LAMC3: variants seen among roughly 807,000 people sequenced by gnomAD.
LAMC3 encodes the protein laminin subunit gamma-3.
In LAMC3, 128 loss-of-function variants were observed where a neutral mutation model predicts 173.8. The observed-to-expected ratio is 0.74, with a 90% CI of 0.64 to 0.85. The LOEUF (loss-of-function observed/expected upper bound fraction) is 0.85, where lower values mean the gene tolerates loss of function less well. Among genes scored for constraint, LAMC3 ranks in the 40% least tolerant of loss-of-function variants. LAMC3 has a pLI of 0.00. For missense variants in LAMC3, 2,022 were observed against 2,156.0 expected (o/e 0.94, Z 1.23); for synonymous variants, 897 against 909.1 (o/e 0.99, Z 0.24).
intron 11 of LAMC3, among the ~76,000 whole-genome samples, chr9:131,055,024 C>T (rs549098714): frequency 1.3e-5 from 2 of 152,226 alleles, no homozygotes; most frequent in East Asian, 3.9e-4. Context: ...TTTTAGCCAT[C>T]CCCCTATTGA....
At chr9:131,047,811 C>T (rs1011806402) in intron 8 of LAMC3, among the ~76,000 whole-genome samples, 6 of 151,344 alleles carry the variant, frequency 4.0e-5, no homozygotes, top group Middle Eastern at 3.4e-3. Context: ...TGCAGTGAGC[C>T]GAGATCGCGC....
At chr9:131,062,846 G>A (rs1367692523) in intron 13 of LAMC3, among the ~76,000 whole-genome samples, 2 of 151,612 alleles carry the variant, frequency 1.3e-5, no homozygotes, top group Non-Finnish European at 2.9e-5. Flanking sequence ...TCCAGCCTGG[G>A]TGACAGAGCA....
intron 1 of LAMC3, among the ~76,000 whole-genome samples, chr9:131,022,699 A>G (rs1365399011): frequency 6.6e-6 from 1 of 151,774 alleles, no homozygotes; most frequent in African/African-American, 2.4e-5. Context: ...TAGCTGGGAT[A>G]TGCAAGCCAC....
At chr9:131,088,765 T>A (rs1830371289) in intron 27 of LAMC3, among the ~76,000 whole-genome samples, 1 of 152,010 alleles carries the variant, frequency 6.6e-6, no homozygotes, top group South Asian at 2.1e-4. Context: ...GCAGCCATCA[T>A]TCTACTTTCT....
chr9:131,091,695 T>C lies in LAMC3; in HGVS notation c.4636T>C (p.Phe1546Leu), dbSNP rs1401918921. The change falls in exon 28 of 28, where the codon TTC becomes CTC. Residue 1546 changes from phenylalanine (F) to leucine (L), a missense_variant. Physicochemically the swap from Phe to Leu is conservative, Grantham distance 22. Transcript: ENST00000361069. ...GCAGCAGGAGCTGCAGATCCAGGGCTTCGAGAGTGACCTCGCCGAGATCCG... is the reference window on the plus strand; with the variant it reads ...GCAGCAGGAGCTGCAGATCCAGGGCCTCGAGAGTGACCTCGCCGAGATCCG... ...SQQQELQIQG[F>L]ESDLAEIRAD... The C allele has an allele frequency of 6.2e-7, 1 of 1,611,384 alleles. No individual in the cohort carries two copies. The highest frequency in any genetic ancestry group is 8.5e-7 in the Non-Finnish European group (1 of 1,179,084).
chr9:131,090,235 C>G (rs915825935), intron 27 of LAMC3, among the ~76,000 whole-genome samples: 1 of 152,216 alleles, frequency 6.6e-6, no homozygotes, highest in South Asian at 2.1e-4. Context: ...GTGGAGCAGA[C>G]ACTCTCTTCA....
Position 131,018,742 on chromosome 9 carries a change from C to T in LAMC3, c.374-7543C>T, listed in dbSNP as rs1268977310. ...CCCACCCGCTTACTGGACCACATGC[C>T]CCAAACTTACTTCTCACCACCTCCT... On this transcript the variant is annotated intron_variant, in intron 1 of 27. Coordinates refer to ENST00000361069, the MANE Select transcript of LAMC3 (RefSeq NM_006059.4). Among the ~76,000 whole-genome samples the T allele has an allele frequency of 2.0e-5, 3 of 152,296 alleles. No individual in the cohort carries two copies. The East Asian group carries it at 5.8e-4, about 29-fold the overall frequency.
chr9:131,069,163 G>A, intron 16 of LAMC3, 113 bp downstream of exon 16: 1 of 1,288,832 alleles, frequency 7.8e-7, no homozygotes, highest in Non-Finnish European at 1.1e-6. Flanking sequence ...TCAGACATGG[G>A]ACAGGGTCCC....
intron 1 of LAMC3, among the ~76,000 whole-genome samples, chr9:131,015,335 A>G (rs1833501078): frequency 6.6e-6 from 1 of 152,066 alleles, no homozygotes; most frequent in South Asian, 2.1e-4. Flanking sequence ...CCGTCCTCCC[A>G]GCCCAACCCT....
At position 131,052,553 on chromosome 9, in the gene LAMC3, C is replaced by G. The variant is rs779180808; in HGVS notation, c.1693C>G (p.Pro565Ala). The change falls in exon 10 of 28, where the codon CCC becomes GCC. Residue 565 changes from proline to alanine, a missense_variant. Transcript: ENST00000361069. ...GQPLILTFRVPPGDSPLPVQL... is the reference protein window; with the variant it reads ...GQPLILTFRVAPGDSPLPVQL... ...GCCCCTCATACTGACCTTCCGGGTG[C>G]CCCCCGGGGACTCCCCACTCCCTGT... The G allele has an allele frequency of 1.4e-5, 23 of 1,613,748 alleles. No individual in the cohort carries two copies. In the South Asian group the frequency reaches 2.2e-4, roughly 15 times the overall value.
chr9:131,069,025 C>T lies in LAMC3; in HGVS notation c.2865C>T (p.Phe955=), dbSNP rs372391275. ...GTGACAGGTGCCAGCTGGGTTTCTT[C>T]GGCTTCTCCATCAAGGGCTGCCGGG... The part of the protein sequence containing the change: ...QACDRCQLGF[F]GFSIKGCRAC... Residue 955 remains phenylalanine (F), a synonymous_variant, in exon 16 of 28, where the codon TTC becomes TTT. Coordinates refer to ENST00000361069, the MANE Select transcript of LAMC3 (RefSeq NM_006059.4). The T allele has an allele frequency of 3.2e-5, 51 of 1,613,810 alleles. No homozygotes were observed. Among genetic ancestry groups the T allele is most frequent in the Middle Eastern group, 1.7e-4 (1 of 5,934 alleles).
chr9:131,047,837 T>C (rs1055489057), intron 8 of LAMC3, among the ~76,000 whole-genome samples: 16 of 143,770 alleles, frequency 1.1e-4, no homozygotes, highest in Non-Finnish European at 1.9e-4. Flanking sequence ...CACTCCAGCC[T>C]GAGTGACAGG....
intron 20 of LAMC3, among the ~76,000 whole-genome samples, chr9:131,073,798 C>A (rs1257467167): frequency 1.3e-5 from 2 of 152,116 alleles, no homozygotes; most frequent in African/African-American, 2.4e-5. Flanking sequence ...TTTCTCCTTA[C>A]CTCCCCAGCC....
intron 11 of LAMC3, among the ~76,000 whole-genome samples, chr9:131,053,691 G>A (rs541072930): frequency 2.6e-5 from 4 of 152,286 alleles, no homozygotes; most frequent in Admixed American, 6.5e-5. Flanking sequence ...AAATTAGCTG[G>A]GCGTGGTGGC....
Position 131,052,658 on chromosome 9 carries a change from C to G in LAMC3, c.1798C>G (p.Pro600Ala), listed in dbSNP as rs771250530. The change falls in exon 10 of 28, where the codon CCC becomes GCC. Residue 600 changes from proline to alanine, a missense_variant. Pro to Ala is a conservative substitution (Grantham distance 27). Transcript: ENST00000361069. ...SLSGPQDAGH[P>A]REVELRFHLQ... Reference sequence around the variant, plus strand: ...GTCTGGCCCCCAGGATGCCGGGCATCCCAGGGAGGTAGAGCTCAGGTTCCA... The same window carrying G: ...GTCTGGCCCCCAGGATGCCGGGCATGCCAGGGAGGTAGAGCTCAGGTTCCA... 1 of 1,613,780 alleles carries G rather than the reference C, an allele frequency of 6.2e-7. No homozygotes were observed.
intron 16 of LAMC3, 72 bp from the exon 17 acceptor site, chr9:131,069,600 G>A: frequency 6.7e-7 from 1 of 1,490,890 alleles, no homozygotes; most frequent in Non-Finnish European, 9.2e-7. Flanking sequence ...ACTGCCCCTG[G>A]CCCCTCTAAA....
chr9:131,050,109 C>CA (rs576903225), intron 9 of LAMC3, among the ~76,000 whole-genome samples: 2 of 152,312 alleles, frequency 1.3e-5, no homozygotes, highest in African/African-American at 4.8e-5. Flanking sequence ...GGCCCATGAG[C>CA]AAAAAACTCA....
At chr9:131,061,451 T>G (rs1057447558) in intron 13 of LAMC3, among the ~76,000 whole-genome samples, 2 of 152,208 alleles carry the variant, frequency 1.3e-5, no homozygotes, top group African/African-American at 4.8e-5. Flanking sequence ...CATTGAGAAT[T>G]TGGGCTATTT....
At chr9:131,023,355 GCTGTTTT>G (rs1322556325) in intron 1 of LAMC3, among the ~76,000 whole-genome samples, 1 of 152,150 alleles carries the variant, frequency 6.6e-6, no homozygotes. Context: ...ACTGCTAGGC[GCTGTTTT>G]CCAAAGTGGC....
Sources: allele counts gnomAD v4.1 joint callset (sites outside exome capture counted in the v4.1 genomes callset), GRCh38; gene constraint gnomAD v4.1.1; transcripts MANE v1.5; gene names NCBI Gene and HGNC (gene_info 2026-07-23, HGNC 2026-07-21).